Variants in SHOC2 observed in about 807,000 individuals in gnomAD.
SHOC2 encodes leucine-rich repeat protein SHOC-2.
Under a neutral mutation model 50.2 loss-of-function variants are expected in SHOC2, and 4 were observed. That is an observed-to-expected ratio of 0.08 (90% CI 0.04 to 0.18). The LOEUF is 0.18. SHOC2 is among the 10% of genes least tolerant of loss of function. The pLI is 1.00. For missense variants in SHOC2, 388 were observed against 669.6 expected (o/e 0.58, Z 4.64); for synonymous variants, 218 against 244.5 (o/e 0.89, Z 1.01).
intron 1 of SHOC2, among the ~76,000 whole-genome samples, chr10:110,955,610 G>A (rs1590797854): frequency 6.6e-6 from 1 of 152,190 alleles, no homozygotes; most frequent in Non-Finnish European, 1.5e-5. Context: ...GGTATCACGT[G>A]TGGGACATCT....
chr10:110,967,286 T>C (rs989634815), intron 2 of SHOC2, among the ~76,000 whole-genome samples: 1 of 152,160 alleles, frequency 6.6e-6, no homozygotes, highest in Non-Finnish European at 1.5e-5. Flanking sequence ...AATGTAAGTC[T>C]TGGTCGTTTC....
chr10:111,000,931 AGAT>A (rs910003925), intron 4 of SHOC2, among the ~76,000 whole-genome samples: 41 of 152,296 alleles, frequency 2.7e-4, no homozygotes, highest in African/African-American at 9.6e-4. Context: ...ATAAAAAGAA[AGAT>A]GATAAGTGAT....
intron 1 of SHOC2, among the ~76,000 whole-genome samples, chr10:110,920,695 T>C (rs146008501): frequency 5.6e-4 from 86 of 152,332 alleles, no homozygotes; most frequent in Non-Finnish European, 1.0e-3. Flanking sequence ...TCTTGTCTGT[T>C]GCTTTGTATC....
chr10:110,957,537 C>CA (rs1554856738), intron 1 of SHOC2, among the ~76,000 whole-genome samples: 1 of 149,946 alleles, frequency 6.7e-6, no homozygotes, highest in Admixed American at 6.6e-5. Flanking sequence ...AAGATACCCC[C>CA]CCCCCAGCCC....
At position 110,927,249 on chromosome 10, in the gene SHOC2, G is replaced by T. The variant is rs1220886448; in HGVS notation, c.-235+7592G>T. ...ATTATATTTAATTCAGTTTGGGTTT[G>T]TATATATCTGCGATATAGAATTCAA... is the stretch of plus-strand genomic sequence containing the variant. On this transcript the variant is annotated intron_variant, in intron 1 of 8. Coordinates refer to ENST00000369452, the MANE Select transcript of SHOC2 (RefSeq NM_007373.4). Among the ~76,000 whole-genome samples the T allele has an allele frequency of 2.0e-5, 3 of 152,120 alleles. No homozygotes were observed. In the East Asian group the frequency reaches 5.8e-4, roughly 29 times the overall value.
rs1848532020 is a variant in SHOC2 at position 111,009,621 on chromosome 10, AATTT to A, written c.1423-87_1423-84del. The A allele has an allele frequency of 1.2e-5, 11 of 882,994 alleles. No individual in the cohort carries two copies. The South Asian group carries it at 1.6e-4, about 13-fold the overall frequency. 54.7% of individuals were successfully genotyped at this position (882,994 alleles called of 1,614,324 possible). On this transcript the variant is annotated intron_variant, in intron 7 of 8. Coordinates refer to ENST00000369452, the MANE Select transcript of SHOC2 (RefSeq NM_007373.4). ...TTCTATCCAATCTGGTTTCCCTGTT[AATTT>A]ATTTTATTGTTTAGACATATTATTT...
intron 2 of SHOC2, among the ~76,000 whole-genome samples, chr10:110,982,230 C>T (rs1847994339): frequency 6.7e-6 from 1 of 149,418 alleles, no homozygotes; most frequent in African/African-American, 2.5e-5. Flanking sequence ...GTATATGTGC[C>T]ACATTTTCTT....
At chr10:110,939,777 A>T (rs1847100394) in intron 1 of SHOC2, among the ~76,000 whole-genome samples, 1 of 152,210 alleles carries the variant, frequency 6.6e-6, no homozygotes, top group African/African-American at 2.4e-5. Context: ...ATTACTACTA[A>T]GGAATAATCA....
chr10:110,936,999 T>C, intron 1 of SHOC2: 1 of 1,478,648 alleles, frequency 6.8e-7, no homozygotes, highest in Non-Finnish European at 9.4e-7. Flanking sequence ...AGCCAGAAGA[T>C]GGGGCTGGGG....
chr10:110,955,781 A>G (rs969594033), intron 1 of SHOC2, among the ~76,000 whole-genome samples: 7 of 152,366 alleles, frequency 4.6e-5, no homozygotes, highest in African/African-American at 1.7e-4. Context: ...CCTAGAGTAG[A>G]AATTGAAATA....
intron 1 of SHOC2, 105 bp downstream of exon 1, chr10:110,919,762 G>A (rs1846572676): frequency 2.5e-6 from 1 of 395,372 alleles, no homozygotes; most frequent in Non-Finnish European, 4.5e-6. Context: ...GGGAGGCCCC[G>A]TGCGCCCTGA....
intron 1 of SHOC2, among the ~76,000 whole-genome samples, chr10:110,928,309 A>G (rs180812221): frequency 9.6e-4 from 146 of 151,952 alleles, no homozygotes; most frequent in African/African-American, 3.2e-3. Flanking sequence ...AAACAAGCAA[A>G]ATAATTTCCC....
intron 3 of SHOC2, among the ~76,000 whole-genome samples, chr10:110,989,569 G>A (rs1021548897): frequency 4.6e-5 from 7 of 152,156 alleles, no homozygotes; most frequent in African/African-American, 1.7e-4. Context: ...CTTGTTAACA[G>A]GTAGTTCTAC....
chr10:110,972,474 T>G (rs1662295117), intron 2 of SHOC2, among the ~76,000 whole-genome samples: 1 of 152,156 alleles, frequency 6.6e-6, no homozygotes, highest in African/African-American at 2.4e-5. Flanking sequence ...GCAAGAAACA[T>G]TAGAAACCTA....
intron 3 of SHOC2, among the ~76,000 whole-genome samples, chr10:110,999,718 T>C (rs1169173961): frequency 8.9e-6 from 1 of 112,752 alleles, no homozygotes; most frequent in African/African-American, 3.6e-5. Flanking sequence ...GCCTGGGTGA[T>C]AGAGTGAGAC....
chr10:110,938,570 A>G (rs1410985362), intron 1 of SHOC2, among the ~76,000 whole-genome samples: 3 of 152,194 alleles, frequency 2.0e-5, no homozygotes, highest in Non-Finnish European at 4.4e-5. Flanking sequence ...AGATATTGAT[A>G]GATATTTCCC....
intron 4 of SHOC2, among the ~76,000 whole-genome samples, chr10:111,002,110 G>A (rs1237291034): frequency 2.6e-5 from 4 of 152,016 alleles, no homozygotes. Flanking sequence ...TCAGTGAAGT[G>A]AAACTAATAA....
At chr10:110,976,461 G>A (rs1007640883) in intron 2 of SHOC2, among the ~76,000 whole-genome samples, 1 of 151,582 alleles carries the variant, frequency 6.6e-6, no homozygotes, top group Non-Finnish European at 1.5e-5. Flanking sequence ...ACAGGTGTGT[G>A]CACCACACCC....
intron 6 of SHOC2, 82 bp downstream of exon 6, chr10:111,007,735 TTCTATTTGGGTGAATG>T: frequency 7.3e-7 from 1 of 1,367,498 alleles, no homozygotes; most frequent in South Asian, 1.2e-5. Context: ...AATAAGCAAT[TTCTATTTGGGTGAATG>T]TCATAATTAG....
Sources: allele counts gnomAD v4.1 joint callset (sites outside exome capture counted in the v4.1 genomes callset), GRCh38; gene constraint gnomAD v4.1.1; transcripts MANE v1.5; gene names NCBI Gene and HGNC (gene_info 2026-07-23, HGNC 2026-07-21).